SEM1: variants seen among roughly 807,000 people sequenced by gnomAD.
The protein encoded by SEM1 is 26S proteasome complex subunit SEM1.
Under a neutral mutation model 12.7 loss-of-function variants are expected in SEM1, and 3 were observed. The ratio of observed to expected loss-of-function variants is 0.24; its 90% CI spans 0.11 to 0.61. SEM1 has a LOEUF of 0.61. Ranked by LOEUF, SEM1 falls within the 20% of genes least tolerant of loss-of-function variation. The pLI, the probability that SEM1 is intolerant of heterozygous loss-of-function variation, is 0.88. For missense variants in SEM1, 59 were observed against 81.3 expected (o/e 0.73, Z 1.06); for synonymous variants, 30 against 27.8 (o/e 1.08, Z -0.25).
At chr7:96,517,771 C>G (rs1415814525) in intron 2 of SEM1, among the ~76,000 whole-genome samples, 1 of 151,962 alleles carries the variant, frequency 6.6e-6, no homozygotes, top group Non-Finnish European at 1.5e-5. Context: ...TATATTCTCC[C>G]AATATGTTAT....
intron 2 of SEM1, among the ~76,000 whole-genome samples, chr7:96,568,210 G>A (rs1306079900): frequency 6.7e-6 from 1 of 149,854 alleles, no homozygotes; most frequent in Non-Finnish European, 1.5e-5. Context: ...GTCACTTTTG[G>A]TGATTTAAGT....
chr7:96,522,732 C>CAA (rs34796190), intron 2 of SEM1, among the ~76,000 whole-genome samples: 44,729 of 129,486 alleles, frequency 0.35, 8,297 homozygotes, highest in East Asian at 0.69. Flanking sequence ...ACCCCCCCCC[C>CAA]AAAAAAAAAT....
intron 2 of SEM1, among the ~76,000 whole-genome samples, chr7:96,512,359 T>C (rs1453323002): frequency 6.6e-6 from 1 of 152,036 alleles, no homozygotes; most frequent in African/African-American, 2.4e-5. Context: ...ATCTGAGATT[T>C]ATAACAATTT....
chr7:96,590,689 G>A (rs1455450242), intron 2 of SEM1, among the ~76,000 whole-genome samples: 1 of 152,118 alleles, frequency 6.6e-6, no homozygotes, highest in African/African-American at 2.4e-5. Context: ...ACATAATTTG[G>A]CAAGATCTAA....
At chr7:96,686,374 T>C (rs532226951), downstream of SEM1, among the ~76,000 whole-genome samples, 60 of 152,176 alleles carry the variant, frequency 3.9e-4, no homozygotes, top group Middle Eastern at 3.4e-3. Context: ...AAATAACCCA[T>C]TAAAGCCTCT....
Position 96,640,524 on chromosome 7 carries a change from A to G in SEM1, c.171-17881T>C, listed in dbSNP as rs1808559650. Among the ~76,000 whole-genome samples the G allele has an allele frequency of 6.6e-6, 1 of 152,016 alleles. No homozygotes were observed. Among genetic ancestry groups the G allele is most frequent in the South Asian group, 2.1e-4 (1 of 4,830 alleles). ...AACTATATGACATTCTGGAAAAGCC[A>G]AAGCTATGGAGACAGTGAAAACTTT... On this transcript the variant is annotated intron_variant, in intron 2 of 2. Coordinates refer to the SEM1 transcript ENST00000417009. The surrounding 1 kb of genome is among the most constrained non-coding windows in gnomAD (Gnocchi z 4.0).
At chr7:96,705,939 C>A (rs564332009) in intron 1 of SEM1, among the ~76,000 whole-genome samples, 1 of 152,136 alleles carries the variant, frequency 6.6e-6, no homozygotes, top group Non-Finnish European at 1.5e-5. Flanking sequence ...AGTTGCCCTC[C>A]GGTCCTAGAA....
chr7:96,655,251 A>G (rs1445873163), intron 2 of SEM1, among the ~76,000 whole-genome samples: 3 of 152,300 alleles, frequency 2.0e-5, no homozygotes, highest in African/African-American at 7.2e-5. Flanking sequence ...AGGAAGCAGA[A>G]GTTAGAGGAG....
chr7:96,579,495 G>C (rs1056458494), intron 2 of SEM1, among the ~76,000 whole-genome samples: 1 of 152,246 alleles, frequency 6.6e-6, no homozygotes, highest in East Asian at 1.9e-4. Context: ...ACTTCCTAAA[G>C]TATCTACATA....
At chr7:96,535,146 A>C (rs567108773) in intron 2 of SEM1, among the ~76,000 whole-genome samples, 35 of 152,112 alleles carry the variant, frequency 2.3e-4, no homozygotes, top group Admixed American at 2.3e-3. Flanking sequence ...CATGTATGGC[A>C]AAAAATAGAC....
intron 2 of SEM1, among the ~76,000 whole-genome samples, chr7:96,667,344 C>A (rs1374630062): frequency 6.6e-6 from 1 of 152,174 alleles, no homozygotes; most frequent in Non-Finnish European, 1.5e-5. Context: ...TCTCAGCCAA[C>A]TATTCCCTGG....
intron 2 of SEM1, among the ~76,000 whole-genome samples, chr7:96,689,219 T>A (rs960059406): frequency 1.3e-5 from 2 of 152,110 alleles, no homozygotes; most frequent in Non-Finnish European, 2.9e-5. Flanking sequence ...ATAAGTCTAT[T>A]TGTGGAAGAA....
At chr7:96,648,221 C>T (rs867631765) in intron 2 of SEM1, among the ~76,000 whole-genome samples, 11 of 152,144 alleles carry the variant, frequency 7.2e-5, no homozygotes, top group African/African-American at 2.2e-4. Flanking sequence ...AGAAAAATAT[C>T]ATTTCAACTA....
chr7:96,692,671 T>A (rs1215662283), intron 2 of SEM1, among the ~76,000 whole-genome samples: 1 of 152,096 alleles, frequency 6.6e-6, no homozygotes, highest in Non-Finnish European at 1.5e-5. Flanking sequence ...CTAAGAGCCA[T>A]ATACTGATCA....
intron 2 of SEM1, among the ~76,000 whole-genome samples, chr7:96,655,709 C>A (rs1245888155): frequency 6.6e-6 from 1 of 152,178 alleles, no homozygotes; most frequent in Non-Finnish European, 1.5e-5. Flanking sequence ...CCCCTTTCAT[C>A]ACAGCAGGTG....
intron 2 of SEM1, among the ~76,000 whole-genome samples, chr7:96,551,313 A>G (rs1025013009): frequency 1.3e-5 from 2 of 152,166 alleles, no homozygotes; most frequent in Non-Finnish European, 1.5e-5. Context: ...CCTTATTTGG[A>G]AAAGGGCTTT....
chr7:96,505,997 C>T (rs2117282121), intron 3 of SEM1, among the ~76,000 whole-genome samples: 1 of 152,120 alleles, frequency 6.6e-6, no homozygotes, highest in South Asian at 2.1e-4. Context: ...GTCTTGCATT[C>T]TCCAAAGGTG....
intron 2 of SEM1, among the ~76,000 whole-genome samples, chr7:96,578,327 G>A (rs762426712): frequency 6.6e-6 from 1 of 151,624 alleles, no homozygotes; most frequent in African/African-American, 2.4e-5. Context: ...ACTGCAGATT[G>A]CCAAAGAAAA....
upstream of SEM1, among the ~76,000 whole-genome samples, chr7:96,500,228 G>C (rs145628423): frequency 3.2e-3 from 487 of 151,678 alleles, 2 homozygotes; most frequent in South Asian, 0.013. Context: ...TGAGAATACA[G>C]TGTCAGCAAA....
Sources: allele counts gnomAD v4.1 joint callset (sites outside exome capture counted in the v4.1 genomes callset), GRCh38; gene constraint gnomAD v4.1.1; non-coding constraint Gnocchi (gnomAD v3.1); transcripts MANE v1.5; gene names NCBI Gene and HGNC (gene_info 2026-07-23, HGNC 2026-07-21).